Variants in UNC50 observed in about 807,000 individuals in gnomAD.
UNC50 encodes the protein unc-50 inner nuclear membrane RNA binding protein, also known as protein unc-50 homolog.
In UNC50, 24 loss-of-function variants were observed where a neutral mutation model predicts 31.5. The ratio of observed to expected loss-of-function variants is 0.76; its 90% CI spans 0.55 to 1.07. The LOEUF is 1.07. UNC50 is among the 50% of genes least tolerant of loss of function. UNC50 has a pLI of 0.00. For synonymous variants in UNC50, 118 were observed against 114.7 expected (o/e 1.03, Z -0.18); for missense variants, 245 against 304.2 (o/e 0.81, Z 1.45).
intron 3 of UNC50, among the ~76,000 whole-genome samples, chr2:98,614,720 C>T (rs1324482465): frequency 6.6e-6 from 1 of 152,154 alleles, no homozygotes; most frequent in Non-Finnish European, 1.5e-5. Context: ...TCTTGGGGAG[C>T]GAGCTACATA....
In UNC50 at chr2:98,618,218, C is replaced by CTGAT. The variant is rs776425170; in HGVS notation, c.696_699dup (p.Leu234AspfsTer23). On this transcript the variant is annotated frameshift_variant, in exon 6 of 6. Transcript: ENST00000357765. LOFTEE classifies it high-confidence loss of function. The stretch of plus-strand genomic sequence containing the variant: ...AATTCTTCTGTATCCATTTGCACCT[C>CTGAT]TGATTCTGCTCTACGGGCTTTCCCT... The CTGAT allele has an allele frequency of 6.8e-6, 11 of 1,611,270 alleles. No individual in the cohort carries two copies. The highest frequency in any genetic ancestry group is 9.3e-6 in the Non-Finnish European group (11 of 1,179,168).
rs1553534155 is a variant in UNC50 at position 98,618,310 on chromosome 2, G to A, written c.*6G>A. On this transcript the variant is annotated 3_prime_UTR_variant, in exon 6 of 6. Coordinates refer to ENST00000357765, the MANE Select transcript of UNC50 (RefSeq NM_014044.7). ...ATAAGTACAGAGTGAAATAAAAAGT[G>A]AGAAGAAGATTCAATCGTAACTGTG... 1.3e-6 allele frequency: 2 copies of A among 1,587,498 alleles called. No individual in the cohort carries two copies. Among genetic ancestry groups the A allele is most frequent in the Admixed American group, 3.9e-5 (2 of 51,546 alleles).
chr2:98,612,530 C>T (rs1206910297), intron 3 of UNC50, among the ~76,000 whole-genome samples: 1 of 152,120 alleles, frequency 6.6e-6, no homozygotes, highest in African/African-American at 2.4e-5. Flanking sequence ...CTGCCTCAGC[C>T]TTCTGAGTAG....
In UNC50 at chr2:98,610,671, C is replaced by T. The variant is rs143428990; in HGVS notation, c.281-104C>T. 1.3e-3 allele frequency: 1,839 copies of T among 1,416,740 alleles called. 23 individuals carry two copies. The African/African-American group carries it at 0.022, about 17-fold the overall frequency. The allele number at this position is 1,416,740 out of a possible 1,614,324, so 87.8% of individuals were successfully genotyped here. Reference sequence around the variant, plus strand: ...ACATCTTGGGAGTTTTGTTTAAAGACCTGTCTCTCCCACTAGCCTGGGCAT... The same window carrying T: ...ACATCTTGGGAGTTTTGTTTAAAGATCTGTCTCTCCCACTAGCCTGGGCAT... On this transcript the variant is annotated intron_variant, in intron 2 of 5. Coordinates refer to ENST00000357765, the MANE Select transcript of UNC50 (RefSeq NM_014044.7).
In UNC50 at chr2:98,608,691, G is replaced by C; in HGVS notation, c.-40G>C. ...GCTGCTGGGAGGAGGTGGTGGGCTGGTTCGGACGTGGGTCGAGGCTGTAGC... is the reference window on the plus strand; with the variant it reads ...GCTGCTGGGAGGAGGTGGTGGGCTGCTTCGGACGTGGGTCGAGGCTGTAGC... On this transcript the variant is annotated 5_prime_UTR_variant, in exon 1 of 6. Coordinates refer to ENST00000357765, the MANE Select transcript of UNC50 (RefSeq NM_014044.7). 6.0e-6 allele frequency: 3 copies of C among 496,974 alleles called. No homozygotes were observed. In the South Asian group the frequency reaches 6.1e-5, roughly 10 times the overall value. The allele number at this position is 496,974 out of a possible 1,614,324, so 30.8% of individuals were successfully genotyped here.
intron 5 of UNC50, 82 bp downstream of exon 5, chr2:98,616,615 T>C: frequency 9.4e-7 from 1 of 1,062,212 alleles, no homozygotes; most frequent in Non-Finnish European, 1.4e-6. Context: ...CAGCTGCTTT[T>C]ATGGAACACT....
At chr2:98,617,587 G>T (rs1235564260) in intron 5 of UNC50, among the ~76,000 whole-genome samples, 1 of 152,136 alleles carries the variant, frequency 6.6e-6, no homozygotes, top group Non-Finnish European at 1.5e-5. Flanking sequence ...ACTTAGGTCG[G>T]GATGCATGGG....
chr2:98,614,879 C>T (rs1472516210), intron 3 of UNC50, among the ~76,000 whole-genome samples: 1 of 152,118 alleles, frequency 6.6e-6, no homozygotes, highest in Non-Finnish European at 1.5e-5. Flanking sequence ...GTTTATTTTC[C>T]ATTTTTATCC....
At position 98,608,713 on chromosome 2, in the gene UNC50, T is replaced by G; in HGVS notation, c.-18T>G. On this transcript the variant is annotated 5_prime_UTR_variant, in exon 1 of 6. Coordinates refer to ENST00000357765, the MANE Select transcript of UNC50 (RefSeq NM_014044.7). ...CTGGTTCGGACGTGGGTCGAGGCTG[T>G]AGCAGGACTCCAGGTGAGGCCTGAG... 1 of 436,234 alleles carries G rather than the reference T, an allele frequency of 2.3e-6. No individual in the cohort carries two copies. The highest frequency in any genetic ancestry group is 4.2e-6 in the Non-Finnish European group (1 of 236,086). 27.0% of individuals were successfully genotyped at this position (436,234 alleles called of 1,614,324 possible). A position where few individuals can be genotyped will look rare whatever the true frequency, so the allele number is the denominator to read the frequency against.
chr2:98,614,056 T>C (rs982576190), intron 3 of UNC50, among the ~76,000 whole-genome samples: 1 of 151,980 alleles, frequency 6.6e-6, no homozygotes, highest in African/African-American at 2.4e-5. Context: ...AGGAAAAAAA[T>C]TGGACTTTAT....
At position 98,609,825 on chromosome 2, in the gene UNC50, G is replaced by A. The variant is rs1700793393; in HGVS notation, c.66G>A (p.Ala22=). ...ACGGAGTCTTGAATTCCAGGGATGC[G>A]GCAAGACACACAGCCGGAGCGAAAC... is the stretch of plus-strand genomic sequence containing the variant. ...QGNGVLNSRD[A]ARHTAGAKRY... is the part of the protein sequence containing the mutation. The change falls in exon 2 of 6, where the codon GCG becomes GCA. Residue 22 remains alanine (A), a synonymous_variant. Transcript: ENST00000357765. The A allele has an allele frequency of 1.2e-6, 2 of 1,614,186 alleles. No individual in the cohort carries two copies. The highest frequency in any genetic ancestry group is 1.7e-6 in the Non-Finnish European group (2 of 1,180,042).
At chr2:98,612,072 C>T (rs559522386) in intron 3 of UNC50, among the ~76,000 whole-genome samples, 1 of 143,260 alleles carries the variant, frequency 7.0e-6, no homozygotes, top group South Asian at 2.3e-4. Flanking sequence ...GAGGATAAAT[C>T]TGGTGTTTGG....
chr2:98,609,559 T>C, intron 1 of UNC50, 197 bp from the exon 2 acceptor site: 1 of 736,636 alleles, frequency 1.4e-6, no homozygotes, highest in Non-Finnish European at 2.3e-6. Flanking sequence ...TGCCCTTGCC[T>C]GAGGTTGCAG....
At position 98,610,798 on chromosome 2, in the gene UNC50, G is replaced by T; in HGVS notation, c.304G>T (p.Val102Leu). The T allele has an allele frequency of 6.2e-7, 1 of 1,614,132 alleles. No homozygotes were observed. Among genetic ancestry groups the T allele is most frequent in the East Asian group, 2.2e-5 (1 of 44,884 alleles). Residue 102 changes from valine (V) to leucine (L), a missense_variant, in exon 3 of 6, where the codon GTG (valine) becomes TTG (leucine). Transcript: ENST00000357765. The part of the protein sequence containing the change: ...LCVSTIGFGF[V>L]LDMGFFETIK... ...AGTGTCCACTATAGGATTTGGCTTT[G>T]TGCTGGACATGGGATTCTTTGAGAC...
chr2:98,610,156 T>G (rs1700801629), intron 2 of UNC50, 117 bp downstream of exon 2: 1 of 1,138,446 alleles, frequency 8.8e-7, no homozygotes, highest in African/African-American at 1.6e-5. Flanking sequence ...TCCTTTTTAC[T>G]GAAGCCTCAA....
chr2:98,609,188 T>TC (rs1700772798), intron 1 of UNC50: 1 of 154,580 alleles, frequency 6.5e-6, no homozygotes, highest in African/African-American at 2.4e-5. Context: ...TGGATTGGAC[T>TC]CCGACGCTAC....
At chr2:98,611,764 C>G (rs1182361726) in intron 3 of UNC50, among the ~76,000 whole-genome samples, 2 of 152,150 alleles carry the variant, frequency 1.3e-5, no homozygotes, top group Non-Finnish European at 2.9e-5. Context: ...GCATGGTTTT[C>G]TGCATTTGTC....
chr2:98,618,427 T>TGAA lies in UNC50; in HGVS notation c.*127_*129dup. 2 of 978,810 alleles carry TGAA rather than the reference T, an allele frequency of 2.0e-6. No homozygotes were observed. The highest frequency in any genetic ancestry group is 5.9e-5 in the East Asian group (2 of 33,960). 60.6% of individuals were successfully genotyped at this position (978,810 alleles called of 1,614,324 possible). A position where few individuals can be genotyped will look rare whatever the true frequency, so the allele number is the denominator to read the frequency against. On this transcript the variant is annotated 3_prime_UTR_variant, in exon 6 of 6. Transcript: ENST00000357765. ...CTTAAAGGTGTAAAGTTTGCAAATTTGAAGAAATATATATTAACACTGTGG... is the reference window on the plus strand; with the variant it reads ...CTTAAAGGTGTAAAGTTTGCAAATTTGAAGAAGAAATATATATTAACACTGTGG...
rs752039538 is a variant in UNC50, at chr2:98,609,676, C to A, written c.-4-80C>A. ...AGAACATGGAAAGTGACCTCCCTGC[C>A]AAATAACTCAGAAGAGGAGTGTCGG... On this transcript the variant is annotated intron_variant, in intron 1 of 5. Transcript: ENST00000357765. The A allele has an allele frequency of 5.6e-6, 9 of 1,593,932 alleles. No individual in the cohort carries two copies. In the East Asian group the frequency reaches 2.0e-4, roughly 36 times the overall value.
Sources: allele counts gnomAD v4.1 joint callset (sites outside exome capture counted in the v4.1 genomes callset), GRCh38; gene constraint gnomAD v4.1.1; transcripts MANE v1.5; gene names NCBI Gene and HGNC (gene_info 2026-07-23, HGNC 2026-07-21).